Variants in KATNIP observed in about 807,000 individuals in gnomAD.
KATNIP encodes the protein katanin-interacting protein.
Under a neutral mutation model 174.0 loss-of-function variants are expected in KATNIP, and 126 were observed. The observed-to-expected ratio is 0.72, with a 90% CI of 0.63 to 0.84. The LOEUF (loss-of-function observed/expected upper bound fraction) is 0.84. KATNIP is among the 40% of genes least tolerant of loss of function. The probability of loss-of-function intolerance (pLI) is 0.00; values close to 1 mark genes in which losing one functional copy is unlikely to be tolerated. For missense variants in KATNIP, 1,958 were observed against 2,109.7 expected, an observed-to-expected ratio of 0.93 and a Z score of 1.41; for synonymous variants, 810 against 835.7, an observed-to-expected ratio of 0.97 and a Z score of 0.53.
intron 18 of KATNIP, 83 bp downstream of exon 18, chr16:27,754,334 T>G: frequency 8.5e-7 from 1 of 1,178,980 alleles, no homozygotes; most frequent in Non-Finnish European, 1.3e-6. Context: ...GGGACAGGGT[T>G]TCGCTGGACA....
chr16:27,666,392 T>TTTTTGTTTTGTTTTGTTTTG (rs56799945), intron 6 of KATNIP, among the ~76,000 whole-genome samples: 2 of 149,510 alleles, frequency 1.3e-5, no homozygotes, highest in South Asian at 2.2e-4. Context: ...GGGGAATGAG[T>TTTTTGTTTTGTTTTGTTTTG]TTTTGTTTTG....
rs200031957 is a variant in KATNIP at position 27,740,764 on chromosome 16, A to G, written c.2467A>G (p.Lys823Glu). ...GWGTSRSVNT[K>E]ERPQRATTKV... ...GGGGACCAGCCGGAGTGTCAACACC[A>G]AGGAGAGACCCCAGAGGGCAACCAC... The change falls in exon 15 of 28, where the codon AAG becomes GAG. Residue 823 changes from lysine to glutamate, a missense_variant. By Grantham distance (56) the Lys-to-Glu change is moderately conservative. Transcript: ENST00000261588. 1,238 of 1,614,190 alleles carry G rather than the reference A, an allele frequency of 7.7e-4. 3 individuals are homozygous for G. Among genetic ancestry groups the G allele is most frequent in the Admixed American group, 2.3e-3 (139 of 60,020 alleles).
intron 14 of KATNIP, among the ~76,000 whole-genome samples, chr16:27,724,772 A>G (rs2080379868): frequency 6.6e-6 from 1 of 152,226 alleles, no homozygotes; most frequent in South Asian, 2.1e-4. Flanking sequence ...AGGAGATAAA[A>G]TGAGAGTTTA....
chr16:27,580,874 A>C (rs2090674047), intron 2 of KATNIP, among the ~76,000 whole-genome samples: 1 of 152,074 alleles, frequency 6.6e-6, no homozygotes, highest in Non-Finnish European at 1.5e-5. Context: ...TTTATATTTA[A>C]AAAGTTATAC....
At chr16:27,619,922 A>G (rs930370426) in intron 3 of KATNIP, among the ~76,000 whole-genome samples, 3 of 152,220 alleles carry the variant, frequency 2.0e-5, no homozygotes, top group Non-Finnish European at 4.4e-5. Flanking sequence ...ATCATCATTA[A>G]TGCCACAGAG....
chr16:27,759,601 G>A (rs1567411230), intron 18 of KATNIP, among the ~76,000 whole-genome samples: 1 of 152,226 alleles, frequency 6.6e-6, no homozygotes, highest in Non-Finnish European at 1.5e-5. Context: ...ACCAGCAGCT[G>A]AATGACCTAG....
intron 15 of KATNIP, among the ~76,000 whole-genome samples, chr16:27,748,259 T>C (rs539178881): frequency 1.3e-5 from 2 of 152,310 alleles, no homozygotes; most frequent in South Asian, 2.1e-4. Flanking sequence ...CCTTACCTTA[T>C]AATATACCTG....
chr16:27,603,737 CT>C (rs35121026), intron 2 of KATNIP, among the ~76,000 whole-genome samples: 107,018 of 130,894 alleles, frequency 0.82, 43,582 homozygotes, highest in East Asian at 0.97. Context: ...TTCCCACTTC[CT>C]TTTTTTTTTT....
chr16:27,705,789 C>T (rs1293767677), intron 12 of KATNIP, among the ~76,000 whole-genome samples: 1 of 152,180 alleles, frequency 6.6e-6, no homozygotes, highest in Admixed American at 6.5e-5. Context: ...GATCCTCCCA[C>T]CTTGGCCTCC....
intron 7 of KATNIP, among the ~76,000 whole-genome samples, chr16:27,680,077 G>T (rs1427826649): frequency 6.6e-6 from 1 of 152,034 alleles, no homozygotes; most frequent in East Asian, 1.9e-4. Flanking sequence ...TCATCATGGC[G>T]CTGGGTTCAC....
In KATNIP at chr16:27,750,002, C is replaced by A. The variant is rs746272571; in HGVS notation, c.3042C>A (p.Asp1014Glu). ...TGCAGATTTCAAACATAAAAGCAGA[C>A]CCTCCCGATATCAATATTTTACCAG... ...EPVQISNIKADPPDINILPAY... is the reference protein window; with the variant it reads ...EPVQISNIKAEPPDINILPAY... Residue 1014 changes from aspartate to glutamate, a missense_variant, in exon 16 of 28, where the codon GAC (aspartate) becomes GAA (glutamate). Physicochemically the swap from Asp to Glu is conservative, Grantham distance 45. This residue lies in a region of KATNIP where 1,557 missense variants were observed against 1,617.8 expected (regional missense o/e 0.96). Coordinates refer to ENST00000261588, the MANE Select transcript of KATNIP (RefSeq NM_015202.5). 5.0e-6 allele frequency: 8 copies of A among 1,614,174 alleles called. No individual in the cohort carries two copies. In the East Asian group the frequency reaches 1.6e-4, roughly 31 times the overall value.
chr16:27,595,460 G>A (rs952625821), intron 2 of KATNIP, among the ~76,000 whole-genome samples: 4 of 152,202 alleles, frequency 2.6e-5, no homozygotes, highest in Admixed American at 2.6e-4. Context: ...GGACCAGCAA[G>A]TTGTTCATTG....
chr16:27,725,830 G>A (rs1284127696), intron 14 of KATNIP, among the ~76,000 whole-genome samples: 2 of 152,242 alleles, frequency 1.3e-5, no homozygotes, highest in Non-Finnish European at 2.9e-5. Context: ...GGTCACACCA[G>A]GAAGTGGGAC....
At chr16:27,684,473 T>C (rs971994869) in intron 8 of KATNIP, among the ~76,000 whole-genome samples, 3 of 152,378 alleles carry the variant, frequency 2.0e-5, no homozygotes, top group Middle Eastern at 3.4e-3. Context: ...TCACTTGTTA[T>C]ACTTTTTTCT....
At chr16:27,618,564 T>C in intron 3 of KATNIP, 63 bp downstream of exon 3, 2 of 1,225,438 alleles carry the variant, frequency 1.6e-6, no homozygotes, top group South Asian at 1.2e-5. Flanking sequence ...TTTAGATTTA[T>C]TAACAGCAGG....
At chr16:27,726,381 G>A (rs2080452724) in intron 14 of KATNIP, among the ~76,000 whole-genome samples, 1 of 152,188 alleles carries the variant, frequency 6.6e-6, no homozygotes, top group African/African-American at 2.4e-5. Context: ...TATCTGCCCT[G>A]TTTGGTACAG....
chr16:27,770,474 G>A (rs374093718), intron 21 of KATNIP, among the ~76,000 whole-genome samples: 1 of 152,234 alleles, frequency 6.6e-6, no homozygotes, highest in African/African-American at 2.4e-5. Context: ...TAAATGCCAC[G>A]TTAAGTTTAC....
chr16:27,661,889 GCACAAGC>G (rs2077486952), intron 6 of KATNIP, among the ~76,000 whole-genome samples: 1 of 96,996 alleles, frequency 1.0e-5, no homozygotes, highest in South Asian at 3.8e-4. Context: ...GGGATTACAG[GCACAAGC>G]CACTGTGCCT....
rs2081452985 is a variant in KATNIP at position 27,750,236 on chromosome 16, C to T, written c.3276C>T (p.Ile1092=). The T allele has an allele frequency of 1.2e-6, 2 of 1,613,982 alleles. No homozygotes were observed. The highest frequency in any genetic ancestry group is 2.7e-5 in the African/African-American group (2 of 74,900). Residue 1092 remains isoleucine, a synonymous_variant, in exon 16 of 28, where the codon ATC becomes ATT. Transcript: ENST00000261588. ...RIHSFRGVKD[I]TMLLDTQCIF... ...ATTCCTTCCGAGGCGTGAAGGACATCACAATGCTGTTAGACACCCAGTGCA... is the reference window on the plus strand; with the variant it reads ...ATTCCTTCCGAGGCGTGAAGGACATTACAATGCTGTTAGACACCCAGTGCA...
Sources: allele counts gnomAD v4.1 joint callset (sites outside exome capture counted in the v4.1 genomes callset), GRCh38; gene constraint gnomAD v4.1.1; regional missense constraint gnomAD v4.1.1; transcripts MANE v1.5; gene names NCBI Gene and HGNC (gene_info 2026-07-23, HGNC 2026-07-21).